CYB5R2: variants seen among roughly 807,000 people sequenced by gnomAD.
The protein encoded by CYB5R2 is NADH-cytochrome b5 reductase 2.
In CYB5R2, 35 loss-of-function variants were observed where a neutral mutation model predicts 29.8. The ratio of observed to expected loss-of-function variants is 1.17; its 90% CI spans 0.90 to 1.56. The LOEUF (loss-of-function observed/expected upper bound fraction) is 1.56, where lower values mean the gene tolerates loss of function less well. Among genes scored for constraint, CYB5R2 ranks in the 40% most tolerant of loss-of-function variants. CYB5R2 has a pLI of 0.00. For missense variants in CYB5R2, 419 were observed against 346.7 expected (o/e 1.21, Z -1.66); for synonymous variants, 169 against 130.6 (o/e 1.29, Z -2.01).
rs748761078 is a variant in CYB5R2 at position 7,665,335 on chromosome 11, T to C, written c.*39A>G. The C allele has an allele frequency of 2.8e-6, 4 of 1,452,200 alleles. No individual in the cohort carries two copies. The highest frequency in any genetic ancestry group is 3.7e-6 in the Non-Finnish European group (4 of 1,088,230). The allele number at this position is 1,452,200 out of a possible 1,614,324, so 90.0% of individuals were successfully genotyped here. A position where few individuals can be genotyped will look rare whatever the true frequency, so the allele number is the denominator to read the frequency against. On this transcript the variant is annotated 3_prime_UTR_variant, in exon 9 of 9. Coordinates refer to ENST00000299498, the MANE Select transcript of CYB5R2 (RefSeq NM_016229.5). ...GAAATTGAACTTACTCTGAAACAGA[T>C]GAAAAGGGACATGCAAAATTGCTGA...
Position 7,667,737 on chromosome 11 carries a change from A to G in CYB5R2, c.549T>C (p.Phe183=). 6.2e-7 allele frequency: 1 copy of G among 1,614,064 alleles called. No homozygotes were observed. Among genetic ancestry groups the G allele is most frequent in the Non-Finnish European group, 8.5e-7 (1 of 1,179,914 alleles). Residue 183 remains phenylalanine, a synonymous_variant, in exon 7 of 9, where the codon TTT becomes TTC. Transcript: ENST00000299498. ...CTCAGCAGGAACTGACCTGGTTGGCAAAGATGAGGGACATCCTGGTCCTGT... is the reference window on the plus strand; with the variant it reads ...CTCAGCAGGAACTGACCTGGTTGGCGAAGATGAGGGACATCCTGGTCCTGT... The part of the protein sequence containing the change: ...PSDRTRMSLI[F]ANQTEEDILV...
chr11:7,667,874 C>T (rs1024728907), intron 6 of CYB5R2, 61 bp from the exon 7 acceptor site: 36 of 1,372,432 alleles, frequency 2.6e-5, no homozygotes, highest in Non-Finnish European at 3.8e-5. Flanking sequence ...CAGTCCCTGA[C>T]CTGCAGCAAG....
chr11:7,665,777 G>A, intron 8 of CYB5R2: 2 of 1,449,812 alleles, frequency 1.4e-6, no homozygotes, highest in Non-Finnish European at 1.9e-6. Context: ...CCCTGCTGCT[G>A]TCTGTCAGCT....
At chr11:7,672,140 G>T in intron 3 of CYB5R2, 1 of 353,062 alleles carries the variant, frequency 2.8e-6, no homozygotes, top group Non-Finnish European at 5.2e-6. Context: ...GGCTCAGAGA[G>T]ATTGAAGGAC....
In CYB5R2 at chr11:7,672,773, T is replaced by TA; in HGVS notation, c.52dup (p.Tyr18LeufsTer7). 3.7e-6 allele frequency: 6 copies of TA among 1,614,086 alleles called. No homozygotes were observed. The highest frequency in any genetic ancestry group is 4.2e-6 in the Non-Finnish European group (5 of 1,180,024). On this transcript the variant is annotated frameshift_variant, in exon 2 of 9. Coordinates refer to ENST00000299498, the MANE Select transcript of CYB5R2 (RefSeq NM_016229.5). LOFTEE classifies it high-confidence loss of function. ...CTCTTTCTCAATCAAGGGCAGCGGG[T>TA]ACTTGGCTTCAGGGTCCTGTAAGGT... is the stretch of plus-strand genomic sequence containing the variant.
chr11:7,665,902 A>C, intron 8 of CYB5R2: 1 of 1,536,124 alleles, frequency 6.5e-7, no homozygotes, highest in Non-Finnish European at 8.7e-7. Context: ...ACTGCGCAGA[A>C]TTGCTCAGTA....
intron 8 of CYB5R2, 155 bp downstream of exon 8, chr11:7,666,296 A>G (rs1031707046): frequency 6.5e-6 from 4 of 613,282 alleles, no homozygotes; most frequent in Non-Finnish European, 1.2e-5. Context: ...TTCTCCCTCA[A>G]TTTCTCACAT....
Position 7,672,622 on chromosome 11 carries a change from G to GCACACACACACACA in CYB5R2, c.78+112_79-100dup, listed in dbSNP as rs57207415. On this transcript the variant is annotated intron_variant, in intron 2 of 8. Coordinates refer to ENST00000299498, the MANE Select transcript of CYB5R2 (RefSeq NM_016229.5). ...AGGAGGTCCGTTTGGCGCTATTCCA[G>GCACACACACACACA]CACACACACACACACACACAGGGCG... 7.2e-4 allele frequency: 887 copies of GCACACACACACACA among 1,237,266 alleles called. 2 individuals are homozygous for GCACACACACACACA. In the African/African-American group the frequency reaches 0.011, roughly 16 times the overall value. The allele number at this position is 1,237,266 out of a possible 1,614,324, so 76.6% of individuals were successfully genotyped here.
intron 6 of CYB5R2, among the ~76,000 whole-genome samples, chr11:7,668,018 T>A (rs1200657176): frequency 6.6e-6 from 1 of 152,266 alleles, no homozygotes; most frequent in African/African-American, 2.4e-5. Flanking sequence ...CATTTTCATA[T>A]GGCAAGATGG....
Position 7,665,458 on chromosome 11 carries a change from AC to A in CYB5R2, c.746del (p.Cys249LeufsTer6), listed in dbSNP as rs1235411621. On this transcript the variant is annotated frameshift_variant, in exon 9 of 9. Coordinates refer to ENST00000299498, the MANE Select transcript of CYB5R2 (RefSeq NM_016229.5). LOFTEE classifies it high-confidence loss of function. ...CCGTCTGGATTAGTGGTGGCGGGCC[AC>A]ACACCAGGATGAGCGTGGACTTCGC... ...PPAKSTLILV[C>X]GPPPLIQTAA... 1 of 1,613,750 alleles carries A rather than the reference AC, an allele frequency of 6.2e-7. No individual in the cohort carries two copies. Among genetic ancestry groups the A allele is most frequent in the African/African-American group, 1.3e-5 (1 of 74,926 alleles).
intron 8 of CYB5R2, chr11:7,665,882 T>G (rs1203967398): frequency 6.5e-7 from 1 of 1,535,798 alleles, no homozygotes; most frequent in South Asian, 1.2e-5. Context: ...TGTGGCCTGG[T>G]GTTAGTGGAA....
intron 8 of CYB5R2, 165 bp downstream of exon 8, chr11:7,666,284 CTT>C (rs1855204186): frequency 3.3e-6 from 2 of 608,424 alleles, no homozygotes; most frequent in Non-Finnish European, 3.0e-6. Flanking sequence ...ATCCCAAATC[CTT>C]TCTCCCTCAA....
chr11:7,668,333 C>T, intron 6 of CYB5R2, 145 bp downstream of exon 6: 1 of 754,384 alleles, frequency 1.3e-6, no homozygotes, highest in Admixed American at 1.8e-5. Flanking sequence ...GGGTCAGTTT[C>T]AAGACCTGTC....
chr11:7,672,569 C>G (rs758478543), intron 2 of CYB5R2, 46 bp from the exon 3 acceptor site: 27 of 1,595,406 alleles, frequency 1.7e-5, no homozygotes, highest in Non-Finnish European at 2.3e-5. Flanking sequence ...TTCTAGAAGC[C>G]TTGCTGGGCA....
Position 7,665,249 on chromosome 11 carries a change from C to T in CYB5R2, c.*125G>A, listed in dbSNP as rs1855034426. 9 of 813,586 alleles carry T rather than the reference C, an allele frequency of 1.1e-5. No homozygotes were observed. 50.4% of individuals were successfully genotyped at this position (813,586 alleles called of 1,614,324 possible). On this transcript the variant is annotated 3_prime_UTR_variant, in exon 9 of 9. Coordinates refer to ENST00000299498, the MANE Select transcript of CYB5R2 (RefSeq NM_016229.5). ...TAGGCCCACACCCAAAAGAGGAGAACCAGTGTGTGCGCGAAGGTACATGGC... is the reference window on the plus strand; with the variant it reads ...TAGGCCCACACCCAAAAGAGGAGAATCAGTGTGTGCGCGAAGGTACATGGC...
At position 7,673,483 on chromosome 11, in the gene CYB5R2, C is replaced by A. The variant is rs2136136054; in HGVS notation, c.-131G>T. 1 of 986,560 alleles carries A rather than the reference C, an allele frequency of 1.0e-6. No individual in the cohort carries two copies. Among genetic ancestry groups the A allele is most frequent in the South Asian group, 4.7e-5 (1 of 21,340 alleles). The allele number at this position is 986,560 out of a possible 1,614,324, so 61.1% of individuals were successfully genotyped here. A position where few individuals can be genotyped will look rare whatever the true frequency, so the allele number is the denominator to read the frequency against. On this transcript the variant is annotated 5_prime_UTR_variant, in exon 1 of 9. Coordinates refer to ENST00000299498, the MANE Select transcript of CYB5R2 (RefSeq NM_016229.5). ...ACAGGGAAAGTTGCCTCTCCTCCCG[C>A]CGGGTCACTGGAGTCTCAGCCTTCC...
chr11:7,669,536 C>T, intron 4 of CYB5R2, 89 bp downstream of exon 4: 1 of 1,245,712 alleles, frequency 8.0e-7, no homozygotes, highest in African/African-American at 1.5e-5. Context: ...GGCATATGTG[C>T]CCTCAGAGAA....
Position 7,665,413 on chromosome 11 carries a change from C to G in CYB5R2, c.792G>C (p.Glu264Asp). 1 of 1,606,892 alleles carries G rather than the reference C, an allele frequency of 6.2e-7. No individual in the cohort carries two copies. Among genetic ancestry groups the G allele is most frequent in the Middle Eastern group, 1.7e-4 (1 of 6,024 alleles). ...LIQTAAHPNLEKLGYTQDMIF... is the reference protein window; with the variant it reads ...LIQTAAHPNLDKLGYTQDMIF... ...TCATGTCCTGGGTATAACCCAGCTT[C>G]TCCAGGTTAGGGTGAGCCGCCGTCT... Residue 264 changes from glutamate to aspartate, a missense_variant, in exon 9 of 9, where the codon GAG (glutamate) becomes GAC (aspartate). Coordinates refer to ENST00000299498, the MANE Select transcript of CYB5R2 (RefSeq NM_016229.5).
chr11:7,673,081 G>T (rs1349220355), intron 1 of CYB5R2, 190 bp from the exon 2 acceptor site: 6 of 539,042 alleles, frequency 1.1e-5, no homozygotes, highest in African/African-American at 3.8e-5. Flanking sequence ...AGGGTAGGGA[G>T]GGGTCAGCTG....
Sources: allele counts gnomAD v4.1 joint callset (sites outside exome capture counted in the v4.1 genomes callset), GRCh38; gene constraint gnomAD v4.1.1; transcripts MANE v1.5; gene names NCBI Gene and HGNC (gene_info 2026-07-23, HGNC 2026-07-21).